PI4KA: variants seen among roughly 807,000 people sequenced by gnomAD.
The protein encoded by PI4KA is phosphatidylinositol 4-kinase alpha.
Under a neutral mutation model 271.4 loss-of-function variants are expected in PI4KA, and 122 were observed. That is an observed-to-expected ratio of 0.45 (90% CI 0.39 to 0.52). The LOEUF (loss-of-function observed/expected upper bound fraction) is 0.52. PI4KA is among the 20% of genes least tolerant of loss of function. PI4KA has a pLI of 0.00. For missense variants in PI4KA, 1,969 were observed against 2,769.1 expected (o/e 0.71, Z 6.48); for synonymous variants, 1,041 against 1,078.8 (o/e 0.96, Z 0.69).
At chr22:20,795,072 G>A (rs984305595) in intron 18 of PI4KA, among the ~76,000 whole-genome samples, 4 of 152,180 alleles carry the variant, frequency 2.6e-5, no homozygotes, top group Non-Finnish European at 4.4e-5. Context: ...GAAGAGAGAG[G>A]AAATGACAAA....
chr22:20,791,987 G>C (rs1200630006), intron 19 of PI4KA, among the ~76,000 whole-genome samples: 2 of 152,028 alleles, frequency 1.3e-5, no homozygotes, highest in Non-Finnish European at 2.9e-5. Context: ...TGTAATCCCA[G>C]GTACTCGGGA....
At chr22:20,787,101 G>A in intron 19 of PI4KA, 5 of 1,576,444 alleles carry the variant, frequency 3.2e-6, no homozygotes, top group Non-Finnish European at 4.4e-6. Context: ...TGCCTTGGGG[G>A]CACCCTCATT....
At chr22:20,802,154 C>T in intron 13 of PI4KA, 49 bp from the exon 14 acceptor site, 1 of 1,554,542 alleles carries the variant, frequency 6.4e-7, no homozygotes, top group Non-Finnish European at 8.8e-7. Flanking sequence ...TATCATTTTC[C>T]ATCACCTTCT....
chr22:20,835,527 T>C (rs1159298194), intron 2 of PI4KA, among the ~76,000 whole-genome samples: 1 of 151,260 alleles, frequency 6.6e-6, no homozygotes, highest in African/African-American at 2.4e-5. Flanking sequence ...AGCTCAGGAA[T>C]TTGAGACCCA....
At chr22:20,789,581 T>C (rs1372203869) in intron 19 of PI4KA, among the ~76,000 whole-genome samples, 4 of 152,234 alleles carry the variant, frequency 2.6e-5, no homozygotes, top group African/African-American at 9.6e-5. Context: ...CTGCCCACCT[T>C]GGCCTCCCAA....
At chr22:20,834,323 C>T (rs1157343263) in intron 3 of PI4KA, among the ~76,000 whole-genome samples, 1 of 152,198 alleles carries the variant, frequency 6.6e-6, no homozygotes, top group Non-Finnish European at 1.5e-5. Context: ...TTCTTGCTCA[C>T]TCTCAGAAGA....
At chr22:20,849,691 A>G (rs1307689673) in intron 1 of PI4KA, among the ~76,000 whole-genome samples, 1 of 152,064 alleles carries the variant, frequency 6.6e-6, no homozygotes, top group African/African-American at 2.4e-5. Flanking sequence ...TGCCTCTACT[A>G]AAAATACAAA....
chr22:20,806,931 A>C (rs1434123042), intron 10 of PI4KA, among the ~76,000 whole-genome samples: 1 of 151,804 alleles, frequency 6.6e-6, no homozygotes, highest in African/African-American at 2.4e-5. Flanking sequence ...ACAGGGTTTC[A>C]CCCTGTTTGG....
At chr22:20,804,460 C>T in intron 11 of PI4KA, 60 bp from the exon 12 acceptor site, 1 of 1,128,308 alleles carries the variant, frequency 8.9e-7, no homozygotes, top group Non-Finnish European at 1.4e-6. Flanking sequence ...TTCTAACACA[C>T]TTATCCACCA....
At chr22:20,733,650 G>A in intron 35 of PI4KA, 86 bp downstream of exon 35, 10 of 1,608,398 alleles carry the variant, frequency 6.2e-6, no homozygotes, top group Non-Finnish European at 8.5e-6. Flanking sequence ...ATTCCTGTGA[G>A]TGACTTCCTG....
chr22:20,732,915 G>A (rs1274816440), intron 36 of PI4KA, 56 bp downstream of exon 36: 22 of 1,607,460 alleles, frequency 1.4e-5, no homozygotes, highest in East Asian at 6.7e-5. Flanking sequence ...GGCAGCCCAC[G>A]TGGCACCCCT....
chr22:20,793,191 A>T lies in PI4KA; in HGVS notation c.2328+2T>A, dbSNP rs1449050296. On this transcript the variant is annotated splice_donor_variant, in intron 19 of 54. Coordinates refer to ENST00000255882, the MANE Select transcript of PI4KA (RefSeq NM_058004.4). LOFTEE classifies it high-confidence loss of function. ...TTTATCATTCAATTAATGAATACTC[A>T]CCACAGCTATTACAGGAATGAGTAC... 7 of 1,524,932 alleles carry T rather than the reference A, an allele frequency of 4.6e-6. No homozygotes were observed. Among genetic ancestry groups the T allele is most frequent in the Non-Finnish European group, 6.4e-6 (7 of 1,098,832 alleles). The allele number at this position is 1,524,932 out of a possible 1,614,324, so 94.5% of individuals were successfully genotyped here.
At chr22:20,784,522 G>A (rs879312943) in intron 19 of PI4KA, among the ~76,000 whole-genome samples, 3 of 152,104 alleles carry the variant, frequency 2.0e-5, no homozygotes, top group Non-Finnish European at 4.4e-5. Flanking sequence ...TTGTGGCTTC[G>A]AGTCCCAGCT....
At chr22:20,806,060 C>G (rs1935635705) in intron 10 of PI4KA, among the ~76,000 whole-genome samples, 1 of 152,056 alleles carries the variant, frequency 6.6e-6, no homozygotes, top group African/African-American at 2.4e-5. Flanking sequence ...GTGGGGAGGG[C>G]AGGGGTAATC....
chr22:20,759,835 G>C (rs1403313906), intron 23 of PI4KA, among the ~76,000 whole-genome samples: 1 of 152,142 alleles, frequency 6.6e-6, no homozygotes, highest in Non-Finnish European at 1.5e-5. Context: ...AAAGTGCTGG[G>C]ATTACAAGTG....
chr22:20,757,930 T>C (rs1931488034), intron 23 of PI4KA, among the ~76,000 whole-genome samples: 1 of 152,190 alleles, frequency 6.6e-6, no homozygotes, highest in Non-Finnish European at 1.5e-5. Context: ...GTTTCAATTT[T>C]GTTGTTGCTT....
At chr22:20,735,893 T>C (rs932538646) in intron 32 of PI4KA, among the ~76,000 whole-genome samples, 5 of 152,120 alleles carry the variant, frequency 3.3e-5, no homozygotes, top group East Asian at 3.9e-4. Flanking sequence ...AGAACTGCCA[T>C]GGACAAGAAG....
intron 8 of PI4KA, 113 bp from the exon 9 acceptor site, chr22:20,811,145 TA>T: frequency 1.3e-6 from 1 of 769,524 alleles, no homozygotes. Flanking sequence ...GTGATGCAGA[TA>T]AAGGCCAATA....
chr22:20,846,228 C>G (rs1446165860), intron 1 of PI4KA, among the ~76,000 whole-genome samples: 2 of 135,198 alleles, frequency 1.5e-5, no homozygotes, highest in African/African-American at 5.7e-5. Context: ...CGCGCCACTG[C>G]ACTCCAGCCT....
Sources: gnomAD v4.1 joint callset for allele counts (sites outside exome capture counted in the v4.1 genomes callset) on GRCh38, gnomAD v4.1.1 for gene constraint, MANE v1.5 for transcripts, NCBI Gene and HGNC (gene_info 2026-07-23, HGNC 2026-07-21) for gene names.